Variants in ANKRD27 observed in about 807,000 individuals in gnomAD.
ANKRD27 encodes the protein ankyrin repeat domain 27.
A neutral mutation model predicts 129.7 loss-of-function variants in ANKRD27; 112 were observed. That is an observed-to-expected ratio of 0.86 (90% confidence interval 0.74 to 1.01). The LOEUF (loss-of-function observed/expected upper bound fraction) is 1.01, where lower values mean the gene tolerates loss of function less well. ANKRD27 is among the 50% of genes least tolerant of loss of function. The pLI is 0.00. For missense variants in ANKRD27, 1,258 were observed against 1,300.5 expected, an observed-to-expected ratio of 0.97 and a Z score of 0.50; for synonymous variants, 516 against 511.2, an observed-to-expected ratio of 1.01 and a Z score of -0.13.
chr19:32,664,617 A>AAATAATAAT (rs3042684), intron 1 of ANKRD27, among the ~76,000 whole-genome samples: 12,233 of 128,152 alleles, frequency 0.095, 689 homozygotes, highest in Non-Finnish European at 0.12. Context: ...CTCCATCCCC[A>AAATAATAAT]AATAATAATA....
At chr19:32,633,834 C>A (rs1268121806) in intron 12 of ANKRD27, among the ~76,000 whole-genome samples, 1 of 151,508 alleles carries the variant, frequency 6.6e-6, no homozygotes, top group African/African-American at 2.4e-5. Flanking sequence ...TCAGCCTGGG[C>A]AAAATAGCGA....
chr19:32,674,661 C>T (rs1967946443), intron 1 of ANKRD27, among the ~76,000 whole-genome samples: 1 of 152,016 alleles, frequency 6.6e-6, no homozygotes, highest in Admixed American at 6.5e-5. Context: ...GCGCGCGCGG[C>T]TCGGACCCCC....
chr19:32,630,903 A>T (rs1966980913), intron 13 of ANKRD27, among the ~76,000 whole-genome samples: 1 of 152,114 alleles, frequency 6.6e-6, no homozygotes, highest in South Asian at 2.1e-4. Flanking sequence ...AAGTGCTGGG[A>T]TTACAGAAGT....
intron 1 of ANKRD27, among the ~76,000 whole-genome samples, chr19:32,670,337 G>GA (rs141124701): frequency 0.051 from 7,740 of 151,816 alleles, 274 homozygotes; most frequent in African/African-American, 0.091. Flanking sequence ...GCTGTCACAT[G>GA]AAAAAAAAAG....
rs578103421 is a variant in ANKRD27, at chr19:32,597,112, C to G, written c.*1033G>C. ...TACTTTGTAGAAAAATAATCCCTCCCTTCCTTCTGTACATACACAAGTATT... is the reference window on the plus strand; with the variant it reads ...TACTTTGTAGAAAAATAATCCCTCCGTTCCTTCTGTACATACACAAGTATT... On this transcript the variant is annotated 3_prime_UTR_variant, in exon 29 of 29. Coordinates refer to ENST00000306065, the MANE Select transcript of ANKRD27 (RefSeq NM_032139.3). The G allele has an allele frequency of 2.3e-5, 2 of 85,852 alleles. No individual in the cohort carries two copies. The highest frequency in any genetic ancestry group is 3.5e-4 in the Admixed American group (2 of 5,760). The allele number at this position is 85,852 out of a possible 1,614,324, so 5.3% of individuals were successfully genotyped here. A position where few individuals can be genotyped will look rare whatever the true frequency, so the allele number is the denominator to read the frequency against.
intron 2 of ANKRD27, among the ~76,000 whole-genome samples, chr19:32,650,788 C>T (rs1967402099): frequency 7.1e-6 from 1 of 139,940 alleles, no homozygotes; most frequent in Admixed American, 7.4e-5. Flanking sequence ...CTTGCTCTCT[C>T]ACCGAGGCTG....
intron 28 of ANKRD27, 114 bp downstream of exon 28, chr19:32,599,590 T>G (rs1294788091): frequency 2.9e-5 from 26 of 904,120 alleles, no homozygotes; most frequent in Non-Finnish European, 4.5e-5. Context: ...TGCTAACTCA[T>G]ACGGCGCACG....
chr19:32,653,670 A>G (rs1967462901), intron 2 of ANKRD27, among the ~76,000 whole-genome samples: 1 of 146,080 alleles, frequency 6.8e-6, no homozygotes, highest in African/African-American at 2.5e-5. Flanking sequence ...ACCTGCCTGG[A>G]TGTGGGGGCA....
At chr19:32,641,147 C>T (rs542577986) in intron 10 of ANKRD27, among the ~76,000 whole-genome samples, 13 of 151,774 alleles carry the variant, frequency 8.6e-5, no homozygotes, top group African/African-American at 3.1e-4. Context: ...GTGATCTGCC[C>T]GCCTCAGCCT....
At chr19:32,613,348 T>C (rs1404726242) in intron 22 of ANKRD27, among the ~76,000 whole-genome samples, 2 of 152,162 alleles carry the variant, frequency 1.3e-5, no homozygotes, top group Non-Finnish European at 2.9e-5. Flanking sequence ...TGATACAGCC[T>C]GCTTGGGAAA....
intron 18 of ANKRD27, among the ~76,000 whole-genome samples, chr19:32,621,731 G>C (rs1038949585): frequency 6.6e-6 from 1 of 152,202 alleles, no homozygotes; most frequent in East Asian, 1.9e-4. Context: ...TCCCTCAGGG[G>C]AGCCTCAGCT....
intron 18 of ANKRD27, among the ~76,000 whole-genome samples, chr19:32,622,176 G>A (rs568565077): frequency 2.2e-4 from 34 of 152,102 alleles, no homozygotes; most frequent in African/African-American, 7.2e-4. Context: ...AATAGCACTC[G>A]GCAGCCAGAA....
chr19:32,614,706 T>A (rs453804), intron 22 of ANKRD27, among the ~76,000 whole-genome samples: 94,290 of 151,666 alleles, frequency 0.62, 29,886 homozygotes, highest in Non-Finnish European at 0.69. Flanking sequence ...AATAAATAAA[T>A]AAAAAGAACA....
At chr19:32,674,486 C>G (rs939999428) in intron 1 of ANKRD27, among the ~76,000 whole-genome samples, 2 of 152,154 alleles carry the variant, frequency 1.3e-5, no homozygotes, top group African/African-American at 4.8e-5. Flanking sequence ...TTTTCAACCA[C>G]AAGACGGAAC....
In ANKRD27 at chr19:32,602,003, G is replaced by A. The variant is rs768876340; in HGVS notation, c.2767+12C>T. 7.0e-6 allele frequency: 11 copies of A among 1,568,710 alleles called. No homozygotes were observed. The highest frequency in any genetic ancestry group is 2.7e-5 in the African/African-American group (2 of 73,878). On this transcript the variant is annotated intron_variant, in intron 26 of 28. Transcript: ENST00000306065. ...CCAACTTGAGCGTGACAGAAAGAAC[G>A]TAAACTCTTACATTTTTTCCTGATC...
rs199575514 is a variant in ANKRD27 at position 32,598,343 on chromosome 19, G to T, written c.2955C>A (p.Asn985Lys). 1.2e-6 allele frequency: 2 copies of T among 1,614,068 alleles called. No homozygotes were observed. The highest frequency in any genetic ancestry group is 1.7e-6 in the Non-Finnish European group (2 of 1,180,050). ...GRQSVTLRQNNLPAQSGSHAA... is the reference protein window; with the variant it reads ...GRQSVTLRQNKLPAQSGSHAA... ...CATGAGATCCACTCTGAGCTGGCAGGTTATTCTGTCTCAGTGTGACACTTT... is the reference window on the plus strand; with the variant it reads ...CATGAGATCCACTCTGAGCTGGCAGTTTATTCTGTCTCAGTGTGACACTTT... Residue 985 changes from asparagine to lysine, a missense_variant, in exon 29 of 29, where the codon AAC becomes AAA. Asn to Lys is a moderately conservative substitution (Grantham distance 94). Coordinates refer to ENST00000306065, the MANE Select transcript of ANKRD27 (RefSeq NM_032139.3).
chr19:32,644,451 A>G lies in ANKRD27; in HGVS notation c.399T>C (p.Phe133=), dbSNP rs1967263664. 3.7e-6 allele frequency: 6 copies of G among 1,614,022 alleles called. No individual in the cohort carries two copies. The highest frequency in any genetic ancestry group is 5.1e-6 in the Non-Finnish European group (6 of 1,179,946). Residue 133 remains phenylalanine, a synonymous_variant, in exon 5 of 29, where the codon TTT becomes TTC. Coordinates refer to ENST00000306065, the MANE Select transcript of ANKRD27 (RefSeq NM_032139.3). Reference sequence around the variant, plus strand: ...TCACATCTTCAATGGTTTTCAGGGAAAAGGGATCTGAGGGTGCCAAAGGCT... The same window carrying G: ...TCACATCTTCAATGGTTTTCAGGGAGAAGGGATCTGAGGGTGCCAAAGGCT... ...SEEPLAPSDP[F]SLKTIEDVRE...
chr19:32,612,587 G>T (rs556718270), intron 22 of ANKRD27, among the ~76,000 whole-genome samples: 1 of 152,106 alleles, frequency 6.6e-6, no homozygotes, highest in Non-Finnish European at 1.5e-5. Flanking sequence ...TCAAGACAGC[G>T]CGGTACTGGT....
At chr19:32,603,769 G>A (rs8104726) in intron 25 of ANKRD27, among the ~76,000 whole-genome samples, 29,310 of 152,046 alleles carry the variant, frequency 0.19, 3,529 homozygotes, top group East Asian at 0.33. Flanking sequence ...GAGCTCCTGC[G>A]CTCAAGTGAT....
Sources: allele counts gnomAD v4.1 joint callset (sites outside exome capture counted in the v4.1 genomes callset), GRCh38; gene constraint gnomAD v4.1.1; transcripts MANE v1.5; gene names NCBI Gene and HGNC (gene_info 2026-07-23, HGNC 2026-07-21).